PLD1: variants seen among roughly 807,000 people sequenced by gnomAD.
PLD1 encodes the protein choline phosphatase 1.
A neutral mutation model predicts 137.1 loss-of-function variants in PLD1; 112 were observed. That is an observed-to-expected ratio of 0.82 (90% confidence interval 0.70 to 0.96). The LOEUF is 0.96. Among genes scored for constraint, PLD1 ranks in the 40% least tolerant of loss-of-function variants. PLD1 has a pLI of 0.00. For missense variants in PLD1, 1,321 were observed against 1,342.0 expected, an observed-to-expected ratio of 0.98 and a Z score of 0.24; for synonymous variants, 431 against 454.7, an observed-to-expected ratio of 0.95 and a Z score of 0.66.
chr3:171,721,908 G>A (rs9866473), intron 8 of PLD1, among the ~76,000 whole-genome samples: 79,228 of 151,792 alleles, frequency 0.52, 21,964 homozygotes, highest in African/African-American at 0.72. Flanking sequence ...TAAAGGCCCA[G>A]CTTAATGGTA....
At position 171,761,903 on chromosome 3, in the gene PLD1, C is replaced by T. The variant is rs145314602; in HGVS notation, c.-31-23821G>A. On this transcript the variant is annotated intron_variant, in intron 1 of 26. Coordinates refer to ENST00000351298, the MANE Select transcript of PLD1 (RefSeq NM_002662.5). Reference sequence around the variant, plus strand: ...ACATTTTCTTAAATTAACCCTCTATCCACACATTAAGAAAAAATATCTATA... The same window carrying T: ...ACATTTTCTTAAATTAACCCTCTATTCACACATTAAGAAAAAATATCTATA... 2.4e-3 allele frequency among the ~76,000 whole-genome samples: 358 copies of T among 152,278 alleles called. 1 individual carries two copies. Among genetic ancestry groups the T allele is most frequent in the African/African-American group, 8.1e-3 (335 of 41,540 alleles).
chr3:171,639,230 C>A (rs1257693375), intron 23 of PLD1, among the ~76,000 whole-genome samples: 1 of 137,112 alleles, frequency 7.3e-6, no homozygotes, highest in Non-Finnish European at 1.5e-5. Flanking sequence ...AAATATATAT[C>A]TATACATATA....
At chr3:171,671,896 C>T (rs552393616) in intron 19 of PLD1, among the ~76,000 whole-genome samples, 18 of 151,608 alleles carry the variant, frequency 1.2e-4, no homozygotes, top group African/African-American at 4.4e-4. Flanking sequence ...TGCTTCTTGC[C>T]CAATCGAAAA....
At chr3:171,758,938 A>C (rs2108303459) in intron 1 of PLD1, among the ~76,000 whole-genome samples, 1 of 152,344 alleles carries the variant, frequency 6.6e-6, no homozygotes, top group Non-Finnish European at 1.5e-5. Flanking sequence ...AGCAAATAAA[A>C]ATACATTAAG....
chr3:171,743,689 C>T (rs1560270171), intron 1 of PLD1, among the ~76,000 whole-genome samples: 1 of 152,180 alleles, frequency 6.6e-6, no homozygotes. Flanking sequence ...TCACACACAG[C>T]ATTTTGCATA....
rs190733223 is a variant in PLD1, at chr3:171,603,051, A to G, written c.*27T>C. 1.0e-5 allele frequency: 16 copies of G among 1,529,718 alleles called. No homozygotes were observed. In the African/African-American group the frequency reaches 1.9e-4, roughly 18 times the overall value. 94.8% of individuals were successfully genotyped at this position (1,529,718 alleles called of 1,614,324 possible). A position where few individuals can be genotyped will look rare whatever the true frequency, so the allele number is the denominator to read the frequency against. On this transcript the variant is annotated 3_prime_UTR_variant, in exon 27 of 27. Coordinates refer to ENST00000351298, the MANE Select transcript of PLD1 (RefSeq NM_002662.5). ...TGTGCAGTGTGGTCTCCAGGGTGGAAGTCTTTGAGCTGCCAATGAATATCT... is the reference window on the plus strand; with the variant it reads ...TGTGCAGTGTGGTCTCCAGGGTGGAGGTCTTTGAGCTGCCAATGAATATCT...
intron 18 of PLD1, among the ~76,000 whole-genome samples, chr3:171,676,001 C>A (rs1462867346): frequency 1.3e-5 from 2 of 151,994 alleles, no homozygotes; most frequent in African/African-American, 4.8e-5. Context: ...CACCACCATG[C>A]CCAGCTAATT....
At chr3:171,647,999 G>A (rs1384737506) in intron 21 of PLD1, among the ~76,000 whole-genome samples, 3 of 151,928 alleles carry the variant, frequency 2.0e-5, no homozygotes, top group Admixed American at 6.6e-5. Flanking sequence ...GACTTGTTTC[G>A]CTTAGCATAA....
At chr3:171,644,807 C>A in intron 22 of PLD1, 103 bp downstream of exon 22, 1 of 743,414 alleles carries the variant, frequency 1.3e-6, no homozygotes, top group Non-Finnish European at 2.4e-6. Flanking sequence ...TTCATTTGTT[C>A]CCCACTCCAC....
At chr3:171,782,966 G>A (rs996266715) in intron 1 of PLD1, among the ~76,000 whole-genome samples, 10 of 152,156 alleles carry the variant, frequency 6.6e-5, no homozygotes, top group African/African-American at 2.4e-4. Flanking sequence ...TCAACCAGGA[G>A]GATGCACGTT....
intron 19 of PLD1, among the ~76,000 whole-genome samples, chr3:171,663,495 G>A (rs924523379): frequency 1.3e-5 from 2 of 152,130 alleles, no homozygotes; most frequent in South Asian, 2.1e-4. Flanking sequence ...CAGGAGGCCT[G>A]GTATCTATTA....
intron 26 of PLD1, 110 bp from the exon 27 acceptor site, chr3:171,603,412 TA>T: frequency 2.8e-6 from 2 of 714,298 alleles, no homozygotes; most frequent in Non-Finnish European, 2.4e-6. Flanking sequence ...TGAAACATAT[TA>T]TTAGTCTTAT....
chr3:171,748,412 GA>G (rs113342402), intron 1 of PLD1, among the ~76,000 whole-genome samples: 5,687 of 152,266 alleles, frequency 0.037, 368 homozygotes, highest in African/African-American at 0.13. Context: ...GCCAAGAACG[GA>G]ATATTCATGC....
At chr3:171,719,796 CTGTT>C (rs987806314) in intron 8 of PLD1, among the ~76,000 whole-genome samples, 11 of 152,244 alleles carry the variant, frequency 7.2e-5, no homozygotes, top group South Asian at 2.1e-4. Flanking sequence ...TGTAGGATCT[CTGTT>C]TGTCTTTTTT....
At chr3:171,761,846 C>G (rs1488753066) in intron 1 of PLD1, among the ~76,000 whole-genome samples, 1 of 152,182 alleles carries the variant, frequency 6.6e-6, no homozygotes, top group South Asian at 2.1e-4. Flanking sequence ...CCTTTAGATG[C>G]AGGCCAGCCT....
At chr3:171,681,494 A>T (rs1013253321) in intron 16 of PLD1, among the ~76,000 whole-genome samples, 1 of 152,212 alleles carries the variant, frequency 6.6e-6, no homozygotes, top group African/African-American at 2.4e-5. Context: ...TATCTACCTA[A>T]AATGCCTGTT....
intron 23 of PLD1, among the ~76,000 whole-genome samples, chr3:171,640,599 T>C (rs1238819783): frequency 6.6e-6 from 1 of 152,236 alleles, no homozygotes; most frequent in African/African-American, 2.4e-5. Context: ...TGTATGTGTG[T>C]GAGGGCCACA....
At chr3:171,642,701 A>G (rs972013700) in intron 23 of PLD1, 139 bp downstream of exon 23, 20 of 575,254 alleles carry the variant, frequency 3.5e-5, no homozygotes, top group Admixed American at 6.5e-5. Flanking sequence ...GAGAATAAAT[A>G]CTTTATTACA....
Position 171,733,489 on chromosome 3 carries a change from CAAGT to C in PLD1, c.557_560del (p.Tyr186Ter). 2.3e-6 allele frequency: 3 copies of C among 1,312,358 alleles called. No individual in the cohort carries two copies. Among genetic ancestry groups the C allele is most frequent in the Non-Finnish European group, 3.3e-6 (3 of 909,812 alleles). 81.3% of individuals were successfully genotyped at this position (1,312,358 alleles called of 1,614,324 possible). A position where few individuals can be genotyped will look rare whatever the true frequency, so the allele number is the denominator to read the frequency against. On this transcript the variant is annotated frameshift_variant, in exon 6 of 27. Transcript: ENST00000351298. LOFTEE classifies it high-confidence loss of function. Reference sequence around the variant, plus strand: ...ACATGGGCATTTTTAGTATCTTTGTCAAGTAATCTTCCAGTTGTTTCTGTAATGC... The same window carrying C: ...ACATGGGCATTTTTAGTATCTTTGTCAATCTTCCAGTTGTTTCTGTAATGC...
Sources: allele counts gnomAD v4.1 joint callset (sites outside exome capture counted in the v4.1 genomes callset), GRCh38; gene constraint gnomAD v4.1.1; transcripts MANE v1.5; gene names NCBI Gene and HGNC (gene_info 2026-07-23, HGNC 2026-07-21).